Variants in PIK3C2G observed in about 807,000 individuals in gnomAD.
PIK3C2G encodes phosphatidylinositol 3-kinase C2 domain-containing subunit gamma.
PIK3C2G carries 168 observed loss-of-function variants against 181.1 expected under a neutral mutation model. That is an observed-to-expected ratio of 0.93 (90% CI 0.82 to 1.05). The LOEUF (loss-of-function observed/expected upper bound fraction) is 1.05. Among genes scored for constraint, PIK3C2G ranks in the 50% least tolerant of loss-of-function variants. The pLI, the probability that PIK3C2G is intolerant of heterozygous loss-of-function variation, is 0.00. For synonymous variants in PIK3C2G, 573 were observed against 592.2 expected (o/e 0.97, Z 0.47); for missense variants, 1,869 against 1,732.8 (o/e 1.08, Z -1.40).
chr12:18,476,019 C>T (rs918807534), intron 18 of PIK3C2G, among the ~76,000 whole-genome samples: 3 of 151,506 alleles, frequency 2.0e-5, no homozygotes, highest in Admixed American at 1.3e-4. Flanking sequence ...AGTTCTGTCC[C>T]GAAAGAATTT....
chr12:18,522,783 A>C (rs943878818), intron 24 of PIK3C2G, among the ~76,000 whole-genome samples: 1 of 151,974 alleles, frequency 6.6e-6, no homozygotes, highest in Non-Finnish European at 1.5e-5. Context: ...ATCTTTCCTC[A>C]GATTTGAGAC....
intron 1 of PIK3C2G, among the ~76,000 whole-genome samples, chr12:18,249,178 T>C (rs1265164566): frequency 6.6e-6 from 1 of 152,170 alleles, no homozygotes; most frequent in Non-Finnish European, 1.5e-5. Context: ...GAAAAGATGT[T>C]TCTAAGGTGA....
At chr12:18,276,576 C>A (rs138495039) in intron 1 of PIK3C2G, among the ~76,000 whole-genome samples, 1 of 152,190 alleles carries the variant, frequency 6.6e-6, no homozygotes, top group East Asian at 1.9e-4. Flanking sequence ...TTTTCCAAGG[C>A]AAAATAAGCT....
rs1565444455 is a variant in PIK3C2G at position 18,491,560 on chromosome 12, TAAGTC to T, written c.2793+5_2793+9del. On this transcript the variant is annotated splice_donor_5th_base_variant and intron_variant, in intron 20 of 32. Transcript: ENST00000538779. ...TGTATAAAAGGGATTGATCACGATG[TAAGTC>T]AACTTATTCCTCAGATTAATGGAAT... 6.9e-7 allele frequency: 1 copy of T among 1,443,998 alleles called. No homozygotes were observed. Among genetic ancestry groups the T allele is most frequent in the South Asian group, 1.2e-5 (1 of 85,156 alleles). 89.4% of individuals were successfully genotyped at this position (1,443,998 alleles called of 1,614,324 possible).
At position 18,338,663 on chromosome 12, in the gene PIK3C2G, C is replaced by CTGTGTGTGTGTG. The variant is rs199613361; in HGVS notation, c.1395+150_1395+161dup. ...TTTCCGTGTGTATGTTTGTGTGTATCTGTGTGTGTGTGTGTGTGTGTGTGT... is the reference window on the plus strand; with the variant it reads ...TTTCCGTGTGTATGTTTGTGTGTATCTGTGTGTGTGTGTGTGTGTGTGTGTGTGTGTGTGTGT... On this transcript the variant is annotated intron_variant, in intron 9 of 32. Transcript: ENST00000538779. 45 of 414,034 alleles carry CTGTGTGTGTGTG rather than the reference C, an allele frequency of 1.1e-4. 1 individual carries two copies. The highest frequency in any genetic ancestry group is 1.2e-4 in the Non-Finnish European group (28 of 226,810). The allele number at this position is 414,034 out of a possible 1,614,324, so 25.6% of individuals were successfully genotyped here.
the PIK3C2G span, among the ~76,000 whole-genome samples, chr12:18,660,629 G>A: frequency 9.9e-5 from 15 of 152,098 alleles, no homozygotes; most frequent in South Asian, 2.1e-4. Context: ...ACCTCAGGCT[G>A]GTCCTTGGCA....
chr12:18,699,596 G>C, the PIK3C2G span, among the ~76,000 whole-genome samples: 1 of 152,074 alleles, frequency 6.6e-6, no homozygotes, highest in Non-Finnish European at 1.5e-5. Flanking sequence ...CATGGCTTAG[G>C]AAAGTTAATT....
intron 16 of PIK3C2G, among the ~76,000 whole-genome samples, chr12:18,405,438 G>A (rs982446394): frequency 6.6e-6 from 1 of 151,592 alleles, no homozygotes; most frequent in African/African-American, 2.4e-5. Flanking sequence ...TGTTGTTGTT[G>A]AGATGGAGTC....
chr12:18,250,520 T>C (rs1194138661), intron 1 of PIK3C2G, among the ~76,000 whole-genome samples: 1 of 152,082 alleles, frequency 6.6e-6, no homozygotes, highest in Non-Finnish European at 1.5e-5. Flanking sequence ...CGCTGTAGAA[T>C]AGTTAAAAAC....
chr12:18,273,853 CAG>C (rs1306471417), intron 1 of PIK3C2G, among the ~76,000 whole-genome samples: 2 of 152,104 alleles, frequency 1.3e-5, no homozygotes, highest in Non-Finnish European at 2.9e-5. Context: ...AAACTACCAT[CAG>C]AGTGAACAGG....
At chr12:18,653,309 C>T (rs1950599890), downstream of PIK3C2G, among the ~76,000 whole-genome samples, 2 of 152,096 alleles carry the variant, frequency 1.3e-5, no homozygotes, top group South Asian at 4.1e-4. Context: ...GGAAAAACTC[C>T]AGTGATAAAA....
chr12:18,410,707 GCAA>G (rs1944820204), intron 16 of PIK3C2G, among the ~76,000 whole-genome samples: 1 of 152,034 alleles, frequency 6.6e-6, no homozygotes, highest in East Asian at 1.9e-4. Flanking sequence ...GGAACATAAG[GCAA>G]TAAAAGAACA....
intron 5 of PIK3C2G, among the ~76,000 whole-genome samples, chr12:18,305,527 ACTGT>A (rs768889375): frequency 9.9e-5 from 15 of 152,248 alleles, no homozygotes; most frequent in East Asian, 1.9e-4. Flanking sequence ...ACCCAAAAGC[ACTGT>A]CTATTTTTCA....
intron 1 of PIK3C2G, among the ~76,000 whole-genome samples, chr12:18,274,205 G>A (rs1314391441): frequency 1.3e-5 from 2 of 152,078 alleles, no homozygotes; most frequent in African/African-American, 4.8e-5. Context: ...ACTGTTGGTG[G>A]GACTGTAAAC....
At chr12:18,402,183 T>A (rs1806200257) in intron 16 of PIK3C2G, among the ~76,000 whole-genome samples, 1 of 152,174 alleles carries the variant, frequency 6.6e-6, no homozygotes, top group South Asian at 2.1e-4. Context: ...AACATAATAT[T>A]ATTTGATAAT....
chr12:18,699,333 T>C, the PIK3C2G span, among the ~76,000 whole-genome samples: 1 of 152,206 alleles, frequency 6.6e-6, no homozygotes, highest in Non-Finnish European at 1.5e-5. Flanking sequence ...GAAATCTTTA[T>C]TACCGCCTTC....
chr12:18,632,093 A>G (rs564749442), intron 31 of PIK3C2G, among the ~76,000 whole-genome samples: 1 of 152,202 alleles, frequency 6.6e-6, no homozygotes, highest in African/African-American at 2.4e-5. Context: ...CTGTGAAAAT[A>G]TCCTATGGTG....
chr12:18,364,309 C>T, intron 12 of PIK3C2G, among the ~76,000 whole-genome samples: 1 of 152,158 alleles, frequency 6.6e-6, no homozygotes, highest in Non-Finnish European at 1.5e-5. Context: ...TCCACTTGCC[C>T]ATCTGGGAAA....
At chr12:18,452,438 G>T (rs1253103879) in intron 18 of PIK3C2G, among the ~76,000 whole-genome samples, 1 of 151,052 alleles carries the variant, frequency 6.6e-6, no homozygotes, top group Non-Finnish European at 1.5e-5. Context: ...ATTTTTTATT[G>T]TGCCTATTTG....
Sources: allele counts gnomAD v4.1 joint callset (sites outside exome capture counted in the v4.1 genomes callset), GRCh38; gene constraint gnomAD v4.1.1; transcripts MANE v1.5; gene names NCBI Gene and HGNC (gene_info 2026-07-23, HGNC 2026-07-21).